The following ADGRD1 variants were observed in gnomAD, a reference collection of about 807,000 sequenced individuals.
ADGRD1 encodes G-protein coupled receptor 133.
A neutral mutation model predicts 113.4 loss-of-function variants in ADGRD1; 77 were observed. The observed-to-expected ratio is 0.68, with a 90% CI of 0.57 to 0.82. ADGRD1 has a LOEUF of 0.82. ADGRD1 is among the 40% of genes least tolerant of loss of function. The pLI, the probability that ADGRD1 is intolerant of heterozygous loss-of-function variation, is 0.00. For missense variants in ADGRD1, 1,036 were observed against 1,139.1 expected, an observed-to-expected ratio of 0.91 and a Z score of 1.30; for synonymous variants, 474 against 475.0, an observed-to-expected ratio of 1.00 and a Z score of 0.03.
chr12:131,121,541 C>T (rs1344612623), intron 20 of ADGRD1, among the ~76,000 whole-genome samples: 2 of 152,158 alleles, frequency 1.3e-5, no homozygotes, highest in Non-Finnish European at 2.9e-5. Flanking sequence ...CCACCACGCC[C>T]AGCTAATTTT....
At position 130,963,228 on chromosome 12, in the gene ADGRD1, G is replaced by C. The variant is rs188624948; in HGVS notation, c.104-3235G>C. ...CCAGCTACTTGGGAAGCTGAGGCAG[G>C]AGAATGGCGTGAACCCGGGAGGCGG... On this transcript the variant is annotated intron_variant, in intron 2 of 24. Coordinates refer to ENST00000261654, the MANE Select transcript of ADGRD1 (RefSeq NM_198827.5). Among the ~76,000 whole-genome samples, 1,337 of 149,114 alleles carry C rather than the reference G, an allele frequency of 9.0e-3. 25 individuals carry two copies. The highest frequency in any genetic ancestry group is 0.031 in the African/African-American group (1,268 of 40,558).
At chr12:131,094,978 C>A (rs1026565144) in intron 15 of ADGRD1, among the ~76,000 whole-genome samples, 11 of 151,964 alleles carry the variant, frequency 7.2e-5, no homozygotes, top group African/African-American at 2.4e-4. Flanking sequence ...CCTTCCCATG[C>A]CCCTCCAGTC....
In ADGRD1 at chr12:131,012,038, G is replaced by A. The variant is rs144732573; in HGVS notation, c.1332-2161G>A. On this transcript the variant is annotated intron_variant, in intron 12 of 24. Coordinates refer to ENST00000261654, the MANE Select transcript of ADGRD1 (RefSeq NM_198827.5). ...GGACTGAGCCCACGCATGCCCAGTG[G>A]TGAATGTTCTCAGACGGTGAATGTT... is the stretch of plus-strand genomic sequence containing the variant. Among the ~76,000 whole-genome samples the A allele has an allele frequency of 7.8e-3, 1,185 of 152,302 alleles. 8 individuals are homozygous for A. Among genetic ancestry groups the A allele is most frequent in the Middle Eastern group, 0.017 (5 of 294 alleles).
At chr12:130,976,161 G>C (rs990715063) in intron 4 of ADGRD1, among the ~76,000 whole-genome samples, 13 of 152,186 alleles carry the variant, frequency 8.5e-5, no homozygotes, top group Non-Finnish European at 1.9e-4. Context: ...ACTTGCAGGT[G>C]GAGTTTTAGG....
At chr12:131,058,938 G>A (rs2137076141) in intron 13 of ADGRD1, among the ~76,000 whole-genome samples, 1 of 152,276 alleles carries the variant, frequency 6.6e-6, no homozygotes, top group East Asian at 1.9e-4. Flanking sequence ...CCATTGGACT[G>A]TTTTTCCAAC....
chr12:131,088,530 G>A (rs1296588034), intron 15 of ADGRD1, among the ~76,000 whole-genome samples: 1 of 152,208 alleles, frequency 6.6e-6, no homozygotes, highest in Non-Finnish European at 1.5e-5. Context: ...GGAGAGGATG[G>A]AGCCTCCCGG....
Position 130,966,500 on chromosome 12 carries a change from A to C in ADGRD1, c.141A>C (p.Pro47=). The C allele has an allele frequency of 6.2e-7, 1 of 1,611,964 alleles. No individual in the cohort carries two copies. The highest frequency in any genetic ancestry group is 8.5e-7 in the Non-Finnish European group (1 of 1,178,020). ...QVLASASHYW[P]LENVDGIHEL... is the part of the protein sequence containing the mutation. ...TGGCGTCTGCTTCCCATTACTGGCC[A>C]CTGGAGAATGTGGATGGGATCCATG... The change falls in exon 3 of 25, where the codon CCA becomes CCC. Residue 47 remains proline, a synonymous_variant. Coordinates refer to ENST00000261654, the MANE Select transcript of ADGRD1 (RefSeq NM_198827.5). This position sits in a 1 kb window ranked among gnomAD's most constrained non-coding sequence, Gnocchi z 4.6.
chr12:130,960,068 C>T (rs1446777625), intron 2 of ADGRD1, among the ~76,000 whole-genome samples: 1 of 152,166 alleles, frequency 6.6e-6, no homozygotes, highest in Non-Finnish European at 1.5e-5. Flanking sequence ...CCTTATGAAG[C>T]TGTGATGGTT....
chr12:130,955,788 G>T (rs4759810), intron 2 of ADGRD1, among the ~76,000 whole-genome samples: 42,922 of 151,608 alleles, frequency 0.28, 6,583 homozygotes, highest in East Asian at 0.58. Flanking sequence ...AATTATTTTT[G>T]TTTTTATTTT....
intron 12 of ADGRD1, among the ~76,000 whole-genome samples, chr12:131,009,058 C>T (rs111733048): frequency 4.6e-5 from 7 of 152,296 alleles, no homozygotes; most frequent in Non-Finnish European, 7.4e-5. Flanking sequence ...GGGACCTCAC[C>T]GACCTGCAGA....
chr12:130,981,756 A>T, intron 4 of ADGRD1, 128 bp from the exon 5 acceptor site: 2 of 661,318 alleles, frequency 3.0e-6, no homozygotes, highest in Non-Finnish European at 2.7e-6. Context: ...TGAACTGAAC[A>T]TACACTGCCT....
intron 13 of ADGRD1, among the ~76,000 whole-genome samples, chr12:131,039,946 G>A (rs575195752): frequency 1.5e-4 from 23 of 152,332 alleles, no homozygotes; most frequent in Middle Eastern, 3.4e-3. Context: ...CCCTGAGGCC[G>A]GCGCAGATAG....
At chr12:131,052,234 C>T (rs1310087295) in intron 13 of ADGRD1, among the ~76,000 whole-genome samples, 1 of 152,182 alleles carries the variant, frequency 6.6e-6, no homozygotes, top group African/African-American at 2.4e-5. Context: ...GAGCCACTCC[C>T]GGGGCTCATT....
intron 15 of ADGRD1, among the ~76,000 whole-genome samples, chr12:131,101,915 C>G (rs991268173): frequency 2.6e-5 from 4 of 152,200 alleles, no homozygotes; most frequent in African/African-American, 9.7e-5. Context: ...TCTGAAACAT[C>G]TCACTTCCTC....
At chr12:131,095,323 C>A (rs1035752181) in intron 15 of ADGRD1, among the ~76,000 whole-genome samples, 2 of 152,378 alleles carry the variant, frequency 1.3e-5, no homozygotes, top group Non-Finnish European at 2.9e-5. Context: ...CCACCCCTGC[C>A]CCTCTTGACA....
chr12:130,996,746 G>A (rs1335274914), intron 8 of ADGRD1, among the ~76,000 whole-genome samples: 25 of 90,072 alleles, frequency 2.8e-4, no homozygotes, highest in African/African-American at 5.2e-4. Context: ...GTGGCTGGCC[G>A]GGCAGAGGGG....
chr12:131,007,381 C>T (rs1017941824), intron 12 of ADGRD1, among the ~76,000 whole-genome samples: 1 of 152,242 alleles, frequency 6.6e-6, no homozygotes, highest in Non-Finnish European at 1.5e-5. Flanking sequence ...AACCAGGCGG[C>T]CAGCCCAAGA....
intron 20 of ADGRD1, among the ~76,000 whole-genome samples, chr12:131,126,682 G>A (rs779617210): frequency 3.9e-5 from 6 of 152,124 alleles, no homozygotes; most frequent in Non-Finnish European, 8.8e-5. Flanking sequence ...TAGTAGCCAC[G>A]AGACCTTTGC....
At chr12:131,097,638 A>G (rs1156356448) in intron 15 of ADGRD1, among the ~76,000 whole-genome samples, 1 of 152,192 alleles carries the variant, frequency 6.6e-6, no homozygotes, top group Non-Finnish European at 1.5e-5. Context: ...GCTGTCCAGG[A>G]GCCAAGGGCA....
Sources: gnomAD v4.1 joint callset for allele counts (sites outside exome capture counted in the v4.1 genomes callset) on GRCh38, gnomAD v4.1.1 for gene constraint, Gnocchi (gnomAD v3.1) non-coding constraint, MANE v1.5 for transcripts, NCBI Gene and HGNC (gene_info 2026-07-23, HGNC 2026-07-21) for gene names.